Variants in EBF1 observed in about 807,000 individuals in gnomAD.
The protein encoded by EBF1 is transcription factor COE1.
A neutral mutation model predicts 68.4 loss-of-function variants in EBF1; 10 were observed. The ratio of observed to expected loss-of-function variants is 0.15; its 90% confidence interval spans 0.09 to 0.25. The LOEUF (loss-of-function observed/expected upper bound fraction) is 0.25. Ranked by LOEUF, EBF1 falls within the 10% of genes least tolerant of loss-of-function variation. The pLI, the probability that EBF1 is intolerant of heterozygous loss-of-function variation, is 1.00. For missense variants in EBF1, 509 were observed against 794.4 expected (o/e 0.64, Z 4.32); for synonymous variants, 298 against 299.8 (o/e 0.99, Z 0.06).
chr5:158,940,983 G>C (rs1485900514), intron 6 of EBF1, among the ~76,000 whole-genome samples: 1 of 152,116 alleles, frequency 6.6e-6, no homozygotes, highest in Admixed American at 6.5e-5. Flanking sequence ...AGTTATGTCT[G>C]TCTGACAGAG....
At chr5:158,802,401 T>A (rs1014288634) in intron 8 of EBF1, among the ~76,000 whole-genome samples, 1 of 152,122 alleles carries the variant, frequency 6.6e-6, no homozygotes, top group Non-Finnish European at 1.5e-5. Context: ...CTAATCTAAA[T>A]CTAAATCTAA....
chr5:159,098,970 G>A (rs1026992042), intron 1 of EBF1, among the ~76,000 whole-genome samples: 1 of 151,974 alleles, frequency 6.6e-6, no homozygotes, highest in Non-Finnish European at 1.5e-5. Flanking sequence ...AAGGAAGAGC[G>A]AAGGGAAAGA....
intron 6 of EBF1, among the ~76,000 whole-genome samples, chr5:158,983,932 G>GTGTGTGTT (rs1380878381): frequency 6.6e-6 from 1 of 151,390 alleles, no homozygotes; most frequent in African/African-American, 2.4e-5. Flanking sequence ...GTGTGTGTGT[G>GTGTGTGTT]TGTGTGTGTA....
intron 6 of EBF1, among the ~76,000 whole-genome samples, chr5:159,053,903 T>C (rs1211964888): frequency 1.3e-5 from 2 of 152,232 alleles, no homozygotes; most frequent in African/African-American, 4.8e-5. Context: ...TACCATCAGA[T>C]GGCAAGAGGA....
chr5:158,946,714 G>A (rs754543452), intron 6 of EBF1, among the ~76,000 whole-genome samples: 9 of 152,212 alleles, frequency 5.9e-5, no homozygotes, highest in Non-Finnish European at 1.5e-5. Flanking sequence ...CTCCAATACT[G>A]TGCTGGGAGA....
intron 6 of EBF1, among the ~76,000 whole-genome samples, chr5:159,022,544 G>A (rs921129525): frequency 6.6e-6 from 1 of 152,208 alleles, no homozygotes; most frequent in Admixed American, 6.5e-5. Flanking sequence ...CTTGTGGGGA[G>A]CCAACGCATG....
chr5:159,032,537 T>C (rs1228974037), intron 6 of EBF1, among the ~76,000 whole-genome samples: 12 of 152,228 alleles, frequency 7.9e-5, no homozygotes, highest in Admixed American at 7.9e-4. Context: ...TCAACAGATC[T>C]CTTTTCTATA....
At chr5:158,976,752 G>C (rs771166507) in intron 6 of EBF1, among the ~76,000 whole-genome samples, 2 of 152,246 alleles carry the variant, frequency 1.3e-5, no homozygotes, top group Non-Finnish European at 2.9e-5. Context: ...GATTCTAATA[G>C]TTTCAAGCAC....
Position 158,698,314 on chromosome 5 carries a change from G to GACTT in EBF1, c.*793_*796dup, listed in dbSNP as rs1474628425. On this transcript the variant is annotated 3_prime_UTR_variant, in exon 16 of 16. Coordinates refer to ENST00000313708, the MANE Select transcript of EBF1 (RefSeq NM_024007.5). Reference sequence around the variant, plus strand: ...GAGGCCATCGGCTTCAGAAGAAACTGACTTAAGTAAAAGGAGAGAATGAGA... The same window carrying GACTT: ...GAGGCCATCGGCTTCAGAAGAAACTGACTTACTTAAGTAAAAGGAGAGAATGAGA... The GACTT allele has an allele frequency of 4.0e-5, 9 of 222,780 alleles. No homozygotes were observed. The East Asian group carries it at 4.5e-4, about 11-fold the overall frequency. The allele number at this position is 222,780 out of a possible 1,614,324, so 13.8% of individuals were successfully genotyped here. A position where few individuals can be genotyped will look rare whatever the true frequency, so the allele number is the denominator to read the frequency against.
intron 8 of EBF1, among the ~76,000 whole-genome samples, chr5:158,816,768 C>G (rs965565658): frequency 3.3e-5 from 5 of 151,870 alleles, no homozygotes; most frequent in Admixed American, 6.6e-5. Flanking sequence ...TTACGAAAAA[C>G]TAAATCAATA....
At chr5:158,790,716 A>G (rs1308177168) in intron 9 of EBF1, among the ~76,000 whole-genome samples, 8 of 152,218 alleles carry the variant, frequency 5.3e-5, no homozygotes, top group Admixed American at 3.9e-4. Flanking sequence ...CTAGTCTTCC[A>G]TAACATTATC....
intron 6 of EBF1, among the ~76,000 whole-genome samples, chr5:159,022,723 T>C (rs948927561): frequency 6.6e-6 from 1 of 152,036 alleles, no homozygotes; most frequent in African/African-American, 2.4e-5. Context: ...GCCGCTGGGA[T>C]AAGAACACAA....
At chr5:158,857,186 C>T (rs1303391793) in intron 6 of EBF1, among the ~76,000 whole-genome samples, 1 of 151,604 alleles carries the variant, frequency 6.6e-6, no homozygotes, top group Non-Finnish European at 1.5e-5. Flanking sequence ...TTCTGCTTGG[C>T]CAACTCAGTA....
chr5:158,777,593 A>G, intron 9 of EBF1, 54 bp from the exon 10 acceptor site: 1 of 1,543,164 alleles, frequency 6.5e-7, no homozygotes, highest in Non-Finnish European at 8.8e-7. Context: ...AAAACTTCAC[A>G]GTCTTCCTAA....
chr5:159,030,777 G>T (rs1237869634), intron 6 of EBF1, among the ~76,000 whole-genome samples: 1 of 152,160 alleles, frequency 6.6e-6, no homozygotes, highest in Non-Finnish European at 1.5e-5. Flanking sequence ...AAAGCAAGAG[G>T]GTTCCAATGA....
intron 6 of EBF1, among the ~76,000 whole-genome samples, chr5:158,975,019 T>C (rs1405080660): frequency 1.3e-5 from 2 of 152,158 alleles, no homozygotes; most frequent in African/African-American, 4.8e-5. Context: ...GACTAATGGG[T>C]ACTGTCTAAT....
chr5:158,769,205 C>T (rs1002236107), intron 10 of EBF1, among the ~76,000 whole-genome samples: 2 of 152,144 alleles, frequency 1.3e-5, no homozygotes, highest in Non-Finnish European at 2.9e-5. Flanking sequence ...ATCCCTATTA[C>T]ATGAATGATG....
chr5:158,746,948 T>C (rs891961417), intron 10 of EBF1, among the ~76,000 whole-genome samples: 4 of 152,208 alleles, frequency 2.6e-5, no homozygotes, highest in Non-Finnish European at 4.4e-5. Context: ...GGATTGCATT[T>C]TTCAAAAGCT....
chr5:158,811,130 A>T (rs552942289), intron 8 of EBF1, among the ~76,000 whole-genome samples: 49 of 152,272 alleles, frequency 3.2e-4, no homozygotes, highest in African/African-American at 1.1e-3. Context: ...TTCAAGTTGC[A>T]GGGCTGGCAC....
Sources: allele counts gnomAD v4.1 joint callset (sites outside exome capture counted in the v4.1 genomes callset), GRCh38; gene constraint gnomAD v4.1.1; transcripts MANE v1.5; gene names NCBI Gene and HGNC (gene_info 2026-07-23, HGNC 2026-07-21).